SASH1: variants seen among roughly 807,000 people sequenced by gnomAD.
SASH1 encodes SAM and SH3 domain-containing protein 1.
In SASH1, 44 loss-of-function variants were observed where a neutral mutation model predicts 125.2. That is an observed-to-expected ratio of 0.35 (90% CI 0.28 to 0.45). The LOEUF is 0.45. Among genes scored for constraint, SASH1 ranks in the 20% least tolerant of loss-of-function variants. The pLI is 1.00. For synonymous variants in SASH1, 639 were observed against 649.1 expected (o/e 0.98, Z 0.24); for missense variants, 1,426 against 1,614.5 (o/e 0.88, Z 2.00).
chr6:148,358,095 C>T (rs1782018970), intron 1 of SASH1, among the ~76,000 whole-genome samples: 1 of 145,418 alleles, frequency 6.9e-6, no homozygotes, highest in African/African-American at 2.5e-5. Flanking sequence ...ATTCAAGCTG[C>T]AGAGCAGTTA....
rs180981018 is a variant in SASH1, at chr6:148,462,952, G to T, written c.387-5593G>T. On this transcript the variant is annotated intron_variant, in intron 4 of 19. Transcript: ENST00000367467. Reference sequence around the variant, plus strand: ...CTCAGTGACAGTCCTATTCTGTGATGGGGGGTAATGAGAGTATTGCATTTG... The same window carrying T: ...CTCAGTGACAGTCCTATTCTGTGATTGGGGGTAATGAGAGTATTGCATTTG... 9.2e-5 allele frequency among the ~76,000 whole-genome samples: 14 copies of T among 152,118 alleles called. No homozygotes were observed. In the East Asian group the frequency reaches 2.7e-3, roughly 29 times the overall value.
the SASH1 span, among the ~76,000 whole-genome samples, chr6:148,198,555 G>C: frequency 1.3e-5 from 2 of 152,162 alleles, no homozygotes; most frequent in African/African-American, 4.8e-5. Context: ...AGGAAAAAGA[G>C]GTATCCAGTC....
chr6:148,241,203 G>T, the SASH1 span, among the ~76,000 whole-genome samples: 3 of 152,156 alleles, frequency 2.0e-5, no homozygotes, highest in Non-Finnish European at 2.9e-5. Flanking sequence ...TTTATTTGCG[G>T]GTTTGAGATG....
chr6:148,414,923 C>T lies in SASH1; in HGVS notation c.285+24661C>T, dbSNP rs184939882. Among the ~76,000 whole-genome samples the T allele has an allele frequency of 7.2e-4, 109 of 152,278 alleles. 1 individual carries two copies. In the East Asian group the frequency reaches 7.3e-3, roughly 10 times the overall value. On this transcript the variant is annotated intron_variant, in intron 2 of 19. Transcript: ENST00000367467. ...CCTCCCAAAGTGCTGGGAATACAGGCGTCAGCCACTGCATCCAGCCTCTTG... is the reference window on the plus strand; with the variant it reads ...CCTCCCAAAGTGCTGGGAATACAGGTGTCAGCCACTGCATCCAGCCTCTTG...
chr6:148,501,101 C>T (rs1779542631), intron 8 of SASH1, among the ~76,000 whole-genome samples: 1 of 151,892 alleles, frequency 6.6e-6, no homozygotes, highest in African/African-American at 2.4e-5. Context: ...CGACAGATGA[C>T]CACTGACCTG....
chr6:148,338,490 G>A (rs1781231646), upstream of SASH1, among the ~76,000 whole-genome samples: 1 of 151,764 alleles, frequency 6.6e-6, no homozygotes, highest in South Asian at 2.1e-4. Flanking sequence ...GCCCCATGTA[G>A]CTGTGTTCAC....
chr6:148,348,040 T>C (rs1781576188), intron 1 of SASH1, among the ~76,000 whole-genome samples: 1 of 152,206 alleles, frequency 6.6e-6, no homozygotes, highest in Non-Finnish European at 1.5e-5. Flanking sequence ...GGAGTCTCAC[T>C]CTGTCTCCCA....
intron 1 of SASH1, among the ~76,000 whole-genome samples, chr6:148,333,376 G>A (rs1221542356): frequency 6.6e-6 from 1 of 152,128 alleles, no homozygotes; most frequent in Non-Finnish European, 1.5e-5. Flanking sequence ...GGGTGACAGA[G>A]GGAGACCCTT....
At chr6:148,488,763 A>G (rs1472830801) in intron 8 of SASH1, among the ~76,000 whole-genome samples, 1 of 152,142 alleles carries the variant, frequency 6.6e-6, no homozygotes, top group African/African-American at 2.4e-5. Flanking sequence ...TTCATTGGCC[A>G]TTTGTGTATC....
the SASH1 span, among the ~76,000 whole-genome samples, chr6:148,233,585 T>A: frequency 2.6e-5 from 4 of 151,576 alleles, no homozygotes; most frequent in Non-Finnish European, 5.9e-5. Flanking sequence ...AAGCAATGAA[T>A]TACATGTTAA....
intron 8 of SASH1, among the ~76,000 whole-genome samples, chr6:148,493,666 C>T (rs963222056): frequency 7.2e-5 from 11 of 152,154 alleles, no homozygotes; most frequent in African/African-American, 2.4e-4. Flanking sequence ...ATTAGATAAT[C>T]GCGTGTTGCC....
At chr6:148,241,788 CCTT>C in the SASH1 span, among the ~76,000 whole-genome samples, 1 of 152,208 alleles carries the variant, frequency 6.6e-6, no homozygotes, top group African/African-American at 2.4e-5. Flanking sequence ...CACGCTTCAA[CCTT>C]CTTATCTGGG....
At position 148,536,528 on chromosome 6, in the gene SASH1, C is replaced by T. The variant is rs147148278; in HGVS notation, c.2095+1627C>T. Among the ~76,000 whole-genome samples, 369 of 152,240 alleles carry T rather than the reference C, an allele frequency of 2.4e-3. 1 individual carries two copies. Among genetic ancestry groups the T allele is most frequent in the African/African-American group, 7.4e-3 (307 of 41,548 alleles). ...CTAATTTGTGTATTTTTAGTAGAGACGGGGTTTCACCATGATGGCCAAGCT... is the reference window on the plus strand; with the variant it reads ...CTAATTTGTGTATTTTTAGTAGAGATGGGGTTTCACCATGATGGCCAAGCT... On this transcript the variant is annotated intron_variant, in intron 16 of 19. Coordinates refer to ENST00000367467, the MANE Select transcript of SASH1 (RefSeq NM_015278.5).
intron 1 of SASH1, among the ~76,000 whole-genome samples, chr6:148,302,527 G>A (rs13201580): frequency 0.28 from 41,435 of 150,458 alleles, 6,056 homozygotes; most frequent in South Asian, 0.36. Flanking sequence ...TGCTGTTTTT[G>A]TTACTTCATG....
intron 4 of SASH1, among the ~76,000 whole-genome samples, chr6:148,460,996 A>G (rs1426714401): frequency 1.3e-5 from 2 of 152,214 alleles, no homozygotes; most frequent in African/African-American, 4.8e-5. Flanking sequence ...GGAGAAGACT[A>G]AGTTCGTCAG....
the SASH1 span, among the ~76,000 whole-genome samples, chr6:148,248,614 C>T: frequency 6.6e-6 from 1 of 152,218 alleles, no homozygotes; most frequent in Non-Finnish European, 1.5e-5. Flanking sequence ...AATTTCCCAT[C>T]AGCTTGGTGT....
chr6:148,415,268 TTACTC>T (rs1480665374), intron 2 of SASH1, among the ~76,000 whole-genome samples: 1 of 152,186 alleles, frequency 6.6e-6, no homozygotes, highest in Non-Finnish European at 1.5e-5. Context: ...GAAGTTCTGA[TTACTC>T]TAAAGGGGCC....
At chr6:148,205,597 A>G in the SASH1 span, among the ~76,000 whole-genome samples, 1 of 152,146 alleles carries the variant, frequency 6.6e-6, no homozygotes. Flanking sequence ...GATGCCCTAA[A>G]TCCTGCCCTT....
chr6:148,534,205 C>A (rs951842936), intron 15 of SASH1, among the ~76,000 whole-genome samples: 3 of 152,172 alleles, frequency 2.0e-5, no homozygotes, highest in African/African-American at 7.2e-5. Context: ...TAGCGTAAGC[C>A]CCGGGTCAAA....
Sources: gnomAD v4.1 joint callset for allele counts (sites outside exome capture counted in the v4.1 genomes callset) on GRCh38, gnomAD v4.1.1 for gene constraint, MANE v1.5 for transcripts, NCBI Gene and HGNC (gene_info 2026-07-23, HGNC 2026-07-21) for gene names.